Variants in PRSS53 observed in about 807,000 individuals in gnomAD.
The protein encoded by PRSS53 is EDTP308.
PRSS53 carries 54 observed loss-of-function variants against 62.7 expected under a neutral mutation model. The observed-to-expected ratio is 0.86, with a 90% confidence interval of 0.69 to 1.08. PRSS53 has a LOEUF of 1.08. Among genes scored for constraint, PRSS53 ranks in the 50% least tolerant of loss-of-function variants. The pLI, the probability that PRSS53 is intolerant of heterozygous loss-of-function variation, is 0.00. For synonymous variants in PRSS53, 273 were observed against 300.0 expected (o/e 0.91, Z 0.93); for missense variants, 688 against 728.3 (o/e 0.94, Z 0.64).
At position 31,086,299 on chromosome 16, in the gene PRSS53, C is replaced by A. The variant is rs1358434524; in HGVS notation, c.663+38G>T. ...GTCCAACCCCCAGCCCAGGGTTAGG[C>A]CCCTCCCCTTCTGCTCCTTCTCTTC... On this transcript the variant is annotated intron_variant, in intron 5 of 10. Coordinates refer to ENST00000280606, the Ensembl canonical transcript of PRSS53. 13 of 1,589,834 alleles carry A rather than the reference C, an allele frequency of 8.2e-6. No homozygotes were observed. In the East Asian group the frequency reaches 2.7e-4, roughly 33 times the overall value.
chr16:31,086,046 C>T lies in PRSS53; in HGVS notation c.801G>A (p.Trp267Ter). 6.2e-7 allele frequency: 1 copy of T among 1,614,018 alleles called. No homozygotes were observed. Among genetic ancestry groups the T allele is most frequent in the Non-Finnish European group, 8.5e-7 (1 of 1,180,028 alleles). Residue 267 changes from tryptophan to a stop codon, truncating the protein, a stop_gained, in exon 6 of 11, where the codon TGG (tryptophan) becomes TGA (stop). Coordinates refer to ENST00000280606, the Ensembl canonical transcript of PRSS53. LOFTEE classifies it high-confidence loss of function. ...CTGCCCCCTGAACTCGAGCCTGCAG[C>T]CAGGAACTGTGAGCAGCTGTGTTGG...
At chr16:31,085,786 C>T (rs542125328) in intron 6 of PRSS53, among the ~76,000 whole-genome samples, 178 bp downstream of exon 6, 1 of 152,202 alleles carries the variant, frequency 6.6e-6, no homozygotes, top group African/African-American at 2.4e-5. Context: ...AAACTCCAAA[C>T]CTGTAGAGTT....
exon 6 of PRSS53, chr16:31,086,012 C>A (rs1283967491): frequency 1.9e-6 from 3 of 1,614,068 alleles, no homozygotes; most frequent in Non-Finnish European, 2.5e-6. Context: ...GGGCTCTGGG[C>A]CAGGAAAGCT....
Position 31,084,109 on chromosome 16 carries a change from G to A in PRSS53, c.1642+10C>T, listed in dbSNP as rs750757570. The A allele has an allele frequency of 6.4e-7, 1 of 1,564,902 alleles. No homozygotes were observed. The highest frequency in any genetic ancestry group is 2.4e-5 in the East Asian group (1 of 42,276). On this transcript the variant is annotated intron_variant, in intron 10 of 10. Transcript: ENST00000280606. The stretch of plus-strand genomic sequence containing the variant: ...GGCAGGGTTTGGCAGGAGGCCCCGG[G>A]GCCACATACTTATGTTGGCCAGGCA...
At position 31,086,200 on chromosome 16, in the gene PRSS53, A is replaced by G; in HGVS notation, c.664-17T>C. On this transcript the variant is annotated splice_polypyrimidine_tract_variant and intron_variant, in intron 5 of 10. Coordinates refer to ENST00000280606, the Ensembl canonical transcript of PRSS53. ...GGAATCTCCCTGGAGCCAGGCAACA[A>G]AGCCAAGGACAGATGCCTGAGCCCA... 5 of 1,607,756 alleles carry G rather than the reference A, an allele frequency of 3.1e-6. No individual in the cohort carries two copies. Among genetic ancestry groups the G allele is most frequent in the Non-Finnish European group, 4.2e-6 (5 of 1,178,146 alleles).
At chr16:31,087,451 G>A in intron 3 of PRSS53, 86 bp downstream of exon 3, 1 of 952,712 alleles carries the variant, frequency 1.0e-6, no homozygotes. Context: ...TATTACTCTA[G>A]AGGCAGGGAC....
At chr16:31,085,938 C>G (rs765840249) in intron 6 of PRSS53, 26 bp downstream of exon 6, 2 of 1,589,846 alleles carry the variant, frequency 1.3e-6, no homozygotes, top group Admixed American at 3.3e-5. Flanking sequence ...TGGCTTCTGC[C>G]CACTCCCAGC....
chr16:31,086,549 G>A lies in PRSS53; in HGVS notation c.509-58C>T. On this transcript the variant is annotated intron_variant, in intron 4 of 10. Transcript: ENST00000280606. ...TGGGATCTGGGAAGCAAGGGAGACT[G>A]GAAGCCAGGACAGTTGGGAGCTGAG... The A allele has an allele frequency of 3.8e-6, 6 of 1,574,532 alleles. No individual in the cohort carries two copies. The South Asian group carries it at 5.8e-5, about 15-fold the overall frequency.
chr16:31,085,906 C>T (rs2057227292), intron 6 of PRSS53, 58 bp downstream of exon 6: 3 of 1,500,736 alleles, frequency 2.0e-6, no homozygotes, highest in Admixed American at 3.4e-5. Context: ...TTCTCTAGTC[C>T]TAACTGAGGT....
At chr16:31,084,991 C>T (rs749925191) in exon 8 of PRSS53, 9 of 1,576,974 alleles carry the variant, frequency 5.7e-6, no homozygotes, top group Non-Finnish European at 7.8e-6. Context: ...GTCTGGTCCC[C>T]AGCCCTACGC....
At chr16:31,087,464 G>A in intron 3 of PRSS53, 73 bp downstream of exon 3, 1 of 1,162,026 alleles carries the variant, frequency 8.6e-7, no homozygotes. Flanking sequence ...GCAGGGACTA[G>A]CCTTGTGGGG....
chr16:31,086,607 G>A (rs749448556), intron 4 of PRSS53, 26 bp downstream of exon 4: 14 of 1,541,984 alleles, frequency 9.1e-6, no homozygotes, highest in African/African-American at 6.8e-5. Context: ...GTGCCTCTCC[G>A]AGCTTCAGTC....
chr16:31,083,490 A>T (rs773578863), exon 11 of PRSS53: 1 of 1,325,000 alleles, frequency 7.5e-7, no homozygotes, highest in African/African-American at 1.5e-5. Flanking sequence ...GCTGCCCCCC[A>T]AAAAAAGAAA....
In PRSS53 at chr16:31,087,673, G is replaced by A. The variant is rs559694061; in HGVS notation, c.106C>T (p.Pro36Ser). 1.4e-4 allele frequency: 232 copies of A among 1,611,918 alleles called. No homozygotes were observed. The South Asian group carries it at 2.1e-3, about 15-fold the overall frequency. The change falls in exon 3 of 11, where the codon CCC (proline) becomes TCC (serine). Residue 36 changes from proline (P) to serine (S), a missense_variant. Coordinates refer to ENST00000280606, the Ensembl canonical transcript of PRSS53. Reference sequence around the variant, plus strand: ...ACTGTGTTGCCCTCCTGAGGCTTGGGGGGGCCGGGGCCACGCTGTCCACAG... The same window carrying A: ...ACTGTGTTGCCCTCCTGAGGCTTGGAGGGGCCGGGGCCACGCTGTCCACAG...
intron 3 of PRSS53, 79 bp downstream of exon 3, chr16:31,087,458 G>C (rs539374305): frequency 9.5e-7 from 1 of 1,050,650 alleles, no homozygotes; most frequent in East Asian, 2.5e-5. Flanking sequence ...CTAGAGGCAG[G>C]GACTAGCCTT....
At chr16:31,087,772 AG>A (rs2057250280) in intron 2 of PRSS53, 33 bp downstream of exon 2, 1 of 1,614,140 alleles carries the variant, frequency 6.2e-7, no homozygotes, top group Non-Finnish European at 8.5e-7. Context: ...CCCAGACCCA[AG>A]TAAGACCTAG....
exon 7 of PRSS53, chr16:31,085,212 G>A: frequency 1.2e-6 from 2 of 1,604,866 alleles, no homozygotes; most frequent in Non-Finnish European, 1.7e-6. Context: ...CCAGGGCCAT[G>A]GGGAGGGTGC....
chr16:31,083,934 C>T, intron 10 of PRSS53, 125 bp from the exon 11 acceptor site: 2 of 1,539,830 alleles, frequency 1.3e-6, no homozygotes, highest in Non-Finnish European at 1.8e-6. Context: ...TACTGAGGCT[C>T]AAAGCGGTTG....
intron 3 of PRSS53, 123 bp from the exon 4 acceptor site, chr16:31,087,021 G>C: frequency 9.2e-7 from 1 of 1,082,842 alleles, no homozygotes; most frequent in Non-Finnish European, 1.3e-6. Flanking sequence ...TTTTGAGGTA[G>C]GGTCTCGTCC....
Sources: gnomAD v4.1 joint callset for allele counts (sites outside exome capture counted in the v4.1 genomes callset) on GRCh38, gnomAD v4.1.1 for gene constraint, MANE v1.5 for transcripts, NCBI Gene and HGNC (gene_info 2026-07-23, HGNC 2026-07-21) for gene names.